Variants in XPR1 observed in about 807,000 individuals in gnomAD.
XPR1 encodes xenotropic and polytropic retrovirus receptor 1.
A neutral mutation model predicts 87.5 loss-of-function variants in XPR1; 28 were observed. The ratio of observed to expected loss-of-function variants is 0.32; its 90% CI spans 0.24 to 0.44. XPR1 has a LOEUF of 0.44. Ranked by LOEUF, XPR1 falls within the 20% of genes least tolerant of loss-of-function variation. The pLI, the probability that XPR1 is intolerant of heterozygous loss-of-function variation, is 1.00. For missense variants in XPR1, 559 were observed against 862.3 expected, an observed-to-expected ratio of 0.65 and a Z score of 4.41; for synonymous variants, 300 against 306.1, an observed-to-expected ratio of 0.98 and a Z score of 0.21.
intron 12 of XPR1, 50 bp from the exon 13 acceptor site, chr1:180,873,753 T>A: frequency 6.3e-7 from 1 of 1,596,726 alleles, no homozygotes. Flanking sequence ...GTATGCCTAT[T>A]TATGAGAAAT....
At chr1:180,782,019 TTC>T (rs1311234875) in intron 2 of XPR1, among the ~76,000 whole-genome samples, 1 of 151,806 alleles carries the variant, frequency 6.6e-6, no homozygotes, top group Non-Finnish European at 1.5e-5. Flanking sequence ...CAGTCTCTCT[TTC>T]TCTCTCTCTC....
At chr1:180,807,566 G>A (rs12087411) in intron 6 of XPR1, among the ~76,000 whole-genome samples, 6,552 of 152,272 alleles carry the variant, frequency 0.043, 505 homozygotes, top group African/African-American at 0.15. Context: ...ACTTGGATGA[G>A]AGAGATGCTA....
At chr1:180,820,052 C>T (rs987753710) in intron 7 of XPR1, among the ~76,000 whole-genome samples, 3 of 151,756 alleles carry the variant, frequency 2.0e-5, no homozygotes, top group African/African-American at 7.3e-5. Flanking sequence ...TATACACACA[C>T]ATACACACAT....
intron 2 of XPR1, among the ~76,000 whole-genome samples, chr1:180,720,609 T>TC (rs1240436015): frequency 1.3e-5 from 2 of 152,198 alleles, no homozygotes; most frequent in Non-Finnish European, 2.9e-5. Flanking sequence ...AAAGTGTGGT[T>TC]CTTAGACCAA....
At chr1:180,641,840 G>A (rs141223914) in intron 1 of XPR1, among the ~76,000 whole-genome samples, 1 of 152,094 alleles carries the variant, frequency 6.6e-6, no homozygotes, top group Admixed American at 6.6e-5. Context: ...AAGAATATTG[G>A]CCTTCTGCTT....
chr1:180,795,853 G>A (rs972138330), intron 3 of XPR1, among the ~76,000 whole-genome samples: 2 of 152,098 alleles, frequency 1.3e-5, no homozygotes, highest in Non-Finnish European at 2.9e-5. Context: ...TGTCACCCAG[G>A]CTGGAATGTG....
chr1:180,650,827 A>G (rs963925974), intron 1 of XPR1, among the ~76,000 whole-genome samples: 2 of 152,174 alleles, frequency 1.3e-5, no homozygotes, highest in African/African-American at 4.8e-5. Flanking sequence ...TTTCTTGTAT[A>G]TAAAATGGAG....
At chr1:180,686,819 A>G (rs762349008) in intron 2 of XPR1, among the ~76,000 whole-genome samples, 4 of 152,190 alleles carry the variant, frequency 2.6e-5, no homozygotes, top group Non-Finnish European at 4.4e-5. Context: ...TATAGTAGAA[A>G]GTCTCATTTC....
intron 12 of XPR1, among the ~76,000 whole-genome samples, chr1:180,872,822 CG>C (rs1476186431): frequency 6.6e-6 from 1 of 151,964 alleles, no homozygotes; most frequent in Non-Finnish European, 1.5e-5. Flanking sequence ...TGTTCCTATT[CG>C]GCCATCTTGG....
chr1:180,838,182 A>G (rs989993171), intron 11 of XPR1, among the ~76,000 whole-genome samples: 1 of 152,216 alleles, frequency 6.6e-6, no homozygotes, highest in African/African-American at 2.4e-5. Flanking sequence ...CTTATAATCA[A>G]GTAAGCTAGA....
chr1:180,837,192 G>A (rs933380119), intron 11 of XPR1, among the ~76,000 whole-genome samples: 8 of 152,102 alleles, frequency 5.3e-5, no homozygotes, highest in Non-Finnish European at 7.4e-5. Context: ...CCATGGCAAC[G>A]TATTATTACT....
At chr1:180,756,521 A>G (rs1038131533) in intron 2 of XPR1, among the ~76,000 whole-genome samples, 6 of 152,208 alleles carry the variant, frequency 3.9e-5, no homozygotes, top group Non-Finnish European at 5.9e-5. Flanking sequence ...TTCCTTATAA[A>G]TACAAGTCCT....
In XPR1 at chr1:180,853,626, GACACACACACACAC is replaced by G. The variant is rs143320476; in HGVS notation, c.1502-10053_1502-10040del. 2.1e-4 allele frequency among the ~76,000 whole-genome samples: 30 copies of G among 140,332 alleles called. No individual in the cohort carries two copies. In the East Asian group the frequency reaches 3.0e-3, roughly 14 times the overall value. The allele number at this position is 140,332 out of a possible 152,430, so 92.1% of individuals were successfully genotyped here. A position where few individuals can be genotyped will look rare whatever the true frequency, so the allele number is the denominator to read the frequency against. ...TTGGGTATTTTGTTATTAGACTATA[GACACACACACACAC>G]ACACACACACACACACACACACACA... On this transcript the variant is annotated intron_variant, in intron 11 of 14. Coordinates refer to ENST00000367590, the MANE Select transcript of XPR1 (RefSeq NM_004736.4).
At chr1:180,705,726 A>C (rs1351678872) in intron 2 of XPR1, among the ~76,000 whole-genome samples, 1 of 152,230 alleles carries the variant, frequency 6.6e-6, no homozygotes, top group African/African-American at 2.4e-5. Context: ...ATTTCCACTT[A>C]AGGAAAACTA....
chr1:180,800,697 CT>C (rs2102113216), intron 3 of XPR1, among the ~76,000 whole-genome samples: 1 of 152,300 alleles, frequency 6.6e-6, no homozygotes, highest in South Asian at 2.1e-4. Context: ...GACGAGTAAT[CT>C]TTGCAAAGTC....
chr1:180,862,338 A>G (rs754883594), intron 11 of XPR1, among the ~76,000 whole-genome samples: 9 of 152,070 alleles, frequency 5.9e-5, no homozygotes, highest in Non-Finnish European at 1.3e-4. Context: ...CACATCTTCT[A>G]TATGTCACCT....
chr1:180,835,145 C>A, intron 10 of XPR1, 100 bp downstream of exon 10: 1 of 1,264,882 alleles, frequency 7.9e-7, no homozygotes, highest in East Asian at 2.5e-5. Flanking sequence ...TGAAAACTTA[C>A]CCAATAATAT....
intron 2 of XPR1, among the ~76,000 whole-genome samples, chr1:180,742,899 G>A (rs773239904): frequency 1.3e-5 from 2 of 151,838 alleles, no homozygotes; most frequent in Non-Finnish European, 2.9e-5. Context: ...TCTATCCTTG[G>A]TAATTTTGTT....
chr1:180,690,700 A>G (rs1656949279), intron 2 of XPR1, among the ~76,000 whole-genome samples: 1 of 151,414 alleles, frequency 6.6e-6, no homozygotes, highest in South Asian at 2.1e-4. Context: ...TGTTTTAAAA[A>G]TTGATTAATT....
Sources: allele counts gnomAD v4.1 joint callset (sites outside exome capture counted in the v4.1 genomes callset), GRCh38; gene constraint gnomAD v4.1.1; transcripts MANE v1.5; gene names NCBI Gene and HGNC (gene_info 2026-07-23, HGNC 2026-07-21).